The following SMCO2 variants were observed in gnomAD, a reference collection of about 807,000 sequenced individuals.
SMCO2 encodes the protein single-pass membrane and coiled-coil domain-containing protein 2.
A neutral mutation model predicts 29.5 loss-of-function variants in SMCO2; 25 were observed. That is an observed-to-expected ratio of 0.85 (90% CI 0.62 to 1.18). The LOEUF (loss-of-function observed/expected upper bound fraction) is 1.18, where lower values mean the gene tolerates loss of function less well. SMCO2 is among the 50% of genes most tolerant of loss of function. The pLI, the probability that SMCO2 is intolerant of heterozygous loss-of-function variation, is 0.00. For synonymous variants in SMCO2, 117 were observed against 123.3 expected (o/e 0.95, Z 0.34); for missense variants, 348 against 344.5 (o/e 1.01, Z -0.08).
chr12:27,467,711 G>T (rs1449005358), intron 1 of SMCO2, among the ~76,000 whole-genome samples: 5 of 152,122 alleles, frequency 3.3e-5, no homozygotes, highest in Admixed American at 6.5e-5. Context: ...GTCAGAATTT[G>T]CAGGTTTCCA....
At chr12:27,444,195 A>AC in the SMCO2 span, among the ~76,000 whole-genome samples, 1 of 152,218 alleles carries the variant, frequency 6.6e-6, no homozygotes, top group Non-Finnish European at 1.5e-5. Context: ...AAATCCACGC[A>AC]TTTACAACCA....
chr12:27,479,019 CA>C (rs1949616492), intron 4 of SMCO2, among the ~76,000 whole-genome samples: 1 of 152,152 alleles, frequency 6.6e-6, no homozygotes, highest in South Asian at 2.1e-4. Context: ...CATGCTCAGG[CA>C]GCAGTAGGGG....
At chr12:27,436,202 G>T in the SMCO2 span, among the ~76,000 whole-genome samples, 1 of 152,120 alleles carries the variant, frequency 6.6e-6, no homozygotes, top group Non-Finnish European at 1.5e-5. Flanking sequence ...CCATCACAGT[G>T]GGGGTTAGGA....
intron 1 of SMCO2, chr12:27,467,008 A>G (rs780377378): frequency 6.6e-6 from 1 of 152,208 alleles, no homozygotes; most frequent in Non-Finnish European, 1.5e-5. Flanking sequence ...CCGTCTCATT[A>G]TGACCTTGTC....
chr12:27,463,827 G>C (rs1428549531), upstream of SMCO2, among the ~76,000 whole-genome samples: 1 of 152,176 alleles, frequency 6.6e-6, no homozygotes, highest in Non-Finnish European at 1.5e-5. Context: ...GAGAAATCCT[G>C]AGAAATCTTT....
At chr12:27,447,560 C>T in the SMCO2 span, among the ~76,000 whole-genome samples, 1 of 151,966 alleles carries the variant, frequency 6.6e-6, no homozygotes, top group Non-Finnish European at 1.5e-5. Context: ...GAGCCTGAGA[C>T]CAGCCTGGCA....
intron 2 of SMCO2, 118 bp downstream of exon 2, chr12:27,470,883 A>C (rs366980): frequency 0.1 from 119,368 of 1,153,700 alleles, 6,925 homozygotes; most frequent in African/African-American, 0.19. Context: ...GACAGTCTTC[A>C]CTATAATTTA....
At chr12:27,485,637 G>A (rs534825951) in intron 4 of SMCO2, among the ~76,000 whole-genome samples, 1 of 151,850 alleles carries the variant, frequency 6.6e-6, no homozygotes, top group South Asian at 2.1e-4. Flanking sequence ...AGTAGAGATG[G>A]GGTTTCACCG....
chr12:27,496,831 A>G (rs1266451895), intron 7 of SMCO2: 1 of 150,768 alleles, frequency 6.6e-6, no homozygotes, highest in Non-Finnish European at 1.5e-5. Flanking sequence ...TTGAAATTAA[A>G]TTGTTTCACA....
At chr12:27,491,594 TG>T (rs557928240) in intron 5 of SMCO2, among the ~76,000 whole-genome samples, 4 of 152,218 alleles carry the variant, frequency 2.6e-5, no homozygotes, top group African/African-American at 9.6e-5. Context: ...ATAAGCTACT[TG>T]AGGGTAAATA....
At chr12:27,490,819 C>T (rs550152147) in intron 5 of SMCO2, among the ~76,000 whole-genome samples, 1 of 152,058 alleles carries the variant, frequency 6.6e-6, no homozygotes, top group Non-Finnish European at 1.5e-5. Flanking sequence ...GTAGTCCCAG[C>T]TACTTAGGAG....
intron 4 of SMCO2, among the ~76,000 whole-genome samples, 168 bp from the exon 5 acceptor site, chr12:27,475,414 A>C (rs954341290): frequency 6.6e-6 from 1 of 152,224 alleles, no homozygotes; most frequent in African/African-American, 2.4e-5. Flanking sequence ...GTGGATATCA[A>C]ATAAATACCC....
upstream of SMCO2, among the ~76,000 whole-genome samples, chr12:27,463,706 ACAG>A (rs1949475827): frequency 6.6e-6 from 1 of 152,218 alleles, no homozygotes; most frequent in Non-Finnish European, 1.5e-5. Context: ...TGGATGACTA[ACAG>A]CTCTCAAACT....
the SMCO2 span, among the ~76,000 whole-genome samples, chr12:27,456,243 T>A: frequency 6.6e-6 from 1 of 152,154 alleles, no homozygotes; most frequent in South Asian, 2.1e-4. Flanking sequence ...AAAGAAGTAT[T>A]GGATTATATA....
chr12:27,449,909 C>G, the SMCO2 span, among the ~76,000 whole-genome samples: 3 of 152,222 alleles, frequency 2.0e-5, no homozygotes, highest in Admixed American at 1.3e-4. Flanking sequence ...TAAGCCCTTC[C>G]TGTAGGACTG....
the SMCO2 span, among the ~76,000 whole-genome samples, chr12:27,455,346 G>A: frequency 1.8e-4 from 27 of 152,180 alleles, no homozygotes; most frequent in Non-Finnish European, 2.1e-4. Flanking sequence ...ATTACAAATA[G>A]AATAGCTATG....
chr12:27,464,872 A>G (rs1949485696), upstream of SMCO2, among the ~76,000 whole-genome samples: 1 of 147,652 alleles, frequency 6.8e-6, no homozygotes, highest in Non-Finnish European at 1.5e-5. Context: ...ACACACACAC[A>G]AAAAAAATTA....
intron 4 of SMCO2, 132 bp from the exon 5 acceptor site, chr12:27,475,450 G>A: frequency 2.3e-6 from 2 of 884,638 alleles, no homozygotes; most frequent in East Asian, 3.2e-5. Context: ...AGGCTTGTGT[G>A]CCCACCTGGC....
chr12:27,448,814 T>C, the SMCO2 span, among the ~76,000 whole-genome samples: 1 of 152,214 alleles, frequency 6.6e-6, no homozygotes, highest in Non-Finnish European at 1.5e-5. Flanking sequence ...TAACATCCTC[T>C]ACCCTCATTC....
Sources: allele counts gnomAD v4.1 joint callset (sites outside exome capture counted in the v4.1 genomes callset), GRCh38; gene constraint gnomAD v4.1.1; transcripts MANE v1.5; gene names NCBI Gene and HGNC (gene_info 2026-07-23, HGNC 2026-07-21).